SPATA17: variants seen among roughly 807,000 people sequenced by gnomAD.
SPATA17 encodes spermatogenesis associated 17, also known as spermatogenesis-associated protein 17.
A neutral mutation model predicts 62.2 loss-of-function variants in SPATA17; 53 were observed. That is an observed-to-expected ratio of 0.85 (90% CI 0.68 to 1.07). SPATA17 has a LOEUF of 1.07. SPATA17 is among the 50% of genes least tolerant of loss of function. SPATA17 has a pLI of 0.00. For missense variants in SPATA17, 466 were observed against 425.5 expected, an observed-to-expected ratio of 1.10 and a Z score of -0.84; for synonymous variants, 146 against 146.8, an observed-to-expected ratio of 0.99 and a Z score of 0.04.
At chr1:217,675,371 G>T in intron 4 of SPATA17, among the ~76,000 whole-genome samples, 1 of 152,092 alleles carries the variant, frequency 6.6e-6, no homozygotes, top group East Asian at 1.9e-4. Flanking sequence ...AAGACAAATT[G>T]CTAATCTGTC....
chr1:217,838,378 A>G (rs2103005395), intron 9 of SPATA17, among the ~76,000 whole-genome samples: 1 of 152,208 alleles, frequency 6.6e-6, no homozygotes, highest in Non-Finnish European at 1.5e-5. Context: ...AGAACTTGAA[A>G]ATACCACCAG....
chr1:217,660,923 A>T (rs927783261), intron 3 of SPATA17, among the ~76,000 whole-genome samples: 1 of 152,232 alleles, frequency 6.6e-6, no homozygotes, highest in African/African-American at 2.4e-5. Context: ...TTATGCTTAC[A>T]AAAAGATGTT....
intron 9 of SPATA17, among the ~76,000 whole-genome samples, chr1:217,857,581 G>A (rs950916955): frequency 4.6e-5 from 7 of 152,142 alleles, no homozygotes; most frequent in Non-Finnish European, 8.8e-5. Context: ...GTGACACTGT[G>A]CAAGTGTGCA....
At chr1:217,786,819 T>C (rs368025890) in intron 8 of SPATA17, among the ~76,000 whole-genome samples, 3 of 61,648 alleles carry the variant, frequency 4.9e-5, no homozygotes, top group Non-Finnish European at 1.2e-4. Flanking sequence ...TCTTCCTCTG[T>C]ATAATCTTTG....
At chr1:217,859,559 C>G (rs895890390) in intron 9 of SPATA17, among the ~76,000 whole-genome samples, 1 of 151,988 alleles carries the variant, frequency 6.6e-6, no homozygotes, top group Middle Eastern at 3.2e-3. Context: ...AGGTGTACAC[C>G]ACAATACCCA....
At chr1:217,734,751 C>T (rs1445868399) in intron 5 of SPATA17, among the ~76,000 whole-genome samples, 1 of 152,018 alleles carries the variant, frequency 6.6e-6, no homozygotes, top group African/African-American at 2.4e-5. Flanking sequence ...TTATTTGTTT[C>T]TTTGTCAAAA....
At chr1:217,708,257 A>G (rs1671781002) in intron 5 of SPATA17, among the ~76,000 whole-genome samples, 1 of 152,166 alleles carries the variant, frequency 6.6e-6, no homozygotes, top group Admixed American at 6.6e-5. Context: ...AGATCAACGA[A>G]TTCATGAGTT....
At chr1:217,839,206 C>T (rs933757563) in intron 9 of SPATA17, among the ~76,000 whole-genome samples, 2 of 152,058 alleles carry the variant, frequency 1.3e-5, no homozygotes, top group Non-Finnish European at 2.9e-5. Context: ...AGCCTCCCAT[C>T]AGCAATAATT....
chr1:217,843,796 C>T (rs531482910), intron 9 of SPATA17, among the ~76,000 whole-genome samples: 5 of 152,138 alleles, frequency 3.3e-5, no homozygotes, highest in Non-Finnish European at 7.4e-5. Flanking sequence ...CTTGGGCCTG[C>T]AAGCTGTGGT....
At chr1:217,671,083 ATGGGGATGCCCCACTTTTTTACC>A (rs1292127641) in intron 4 of SPATA17, among the ~76,000 whole-genome samples, 2 of 152,274 alleles carry the variant, frequency 1.3e-5, no homozygotes, top group African/African-American at 4.8e-5. Context: ...TTAGATATAT[ATGGGGATGCCCCACTTTTTTACC>A]TATGACAAGG....
chr1:217,833,432 C>A (rs183255148), intron 9 of SPATA17, among the ~76,000 whole-genome samples: 48 of 152,264 alleles, frequency 3.2e-4, no homozygotes, highest in Admixed American at 8.5e-4. Context: ...TGATGCAAGT[C>A]AGATAAATCA....
At chr1:217,854,914 A>G (rs1355052473) in intron 9 of SPATA17, among the ~76,000 whole-genome samples, 1 of 152,204 alleles carries the variant, frequency 6.6e-6, no homozygotes, top group Non-Finnish European at 1.5e-5. Context: ...CAGCTAAATA[A>G]CATTTGTCAA....
At chr1:217,641,596 GAAATTTAA>G (rs1401279151) in intron 1 of SPATA17, among the ~76,000 whole-genome samples, 1 of 152,078 alleles carries the variant, frequency 6.6e-6, no homozygotes, top group Non-Finnish European at 1.5e-5. Context: ...CACAGTATCT[GAAATTTAA>G]AAATTATTAG....
At chr1:217,743,753 G>A (rs1672679316) in intron 6 of SPATA17, among the ~76,000 whole-genome samples, 2 of 151,890 alleles carry the variant, frequency 1.3e-5, no homozygotes, top group African/African-American at 2.4e-5. Flanking sequence ...GAGATTACAG[G>A]CATCCACCAC....
chr1:217,809,738 ACAC>A (rs1275410482), intron 9 of SPATA17, among the ~76,000 whole-genome samples: 4 of 152,196 alleles, frequency 2.6e-5, no homozygotes, highest in African/African-American at 9.6e-5. Flanking sequence ...CAAAACTGCC[ACAC>A]TGGGGATCAA....
chr1:217,647,256 A>G (rs1436000744), intron 1 of SPATA17, among the ~76,000 whole-genome samples: 1 of 152,206 alleles, frequency 6.6e-6, no homozygotes, highest in African/African-American at 2.4e-5. Context: ...AAGAAGATAG[A>G]GGCACTCATG....
chr1:217,708,161 C>T (rs1010569386), intron 5 of SPATA17, among the ~76,000 whole-genome samples: 11 of 152,142 alleles, frequency 7.2e-5, no homozygotes, highest in Non-Finnish European at 1.2e-4. Flanking sequence ...GAAACAAGAA[C>T]ACATCAACCC....
chr1:217,862,855 AG>A lies in SPATA17; in HGVS notation c.*2+1del. 1 of 1,580,296 alleles carries A rather than the reference AG, an allele frequency of 6.3e-7. No homozygotes were observed. ...TTCAAAAGCTGGACAGATTGTATAA[AG>A]GTATGACTTTTTGCTAAGAAGTAAT... On this transcript the variant is annotated splice_region_variant and 3_prime_UTR_variant, in exon 10 of 11. Transcript: ENST00000366933.
chr1:217,864,071 A>C (rs1047229843), intron 10 of SPATA17, among the ~76,000 whole-genome samples: 2 of 152,250 alleles, frequency 1.3e-5, no homozygotes, highest in Non-Finnish European at 2.9e-5. Context: ...GAAGGAATAC[A>C]TGAGGGGAAA....
Sources: gnomAD v4.1 joint callset for allele counts (sites outside exome capture counted in the v4.1 genomes callset) on GRCh38, gnomAD v4.1.1 for gene constraint, MANE v1.5 for transcripts, NCBI Gene and HGNC (gene_info 2026-07-23, HGNC 2026-07-21) for gene names.